GBE1: variants seen among roughly 807,000 people sequenced by gnomAD.
GBE1 encodes the protein 1,4-alpha-glucan branching enzyme 1.
In GBE1, 70 loss-of-function variants were observed where a neutral mutation model predicts 88.8. That is an observed-to-expected ratio of 0.79 (90% CI 0.65 to 0.96). The LOEUF (loss-of-function observed/expected upper bound fraction) is 0.96. Among genes scored for constraint, GBE1 ranks in the 40% least tolerant of loss-of-function variants. The pLI, the probability that GBE1 is intolerant of heterozygous loss-of-function variation, is 0.00. For missense variants in GBE1, 872 were observed against 871.0 expected, an observed-to-expected ratio of 1.00 and a Z score of -0.01; for synonymous variants, 284 against 300.1, an observed-to-expected ratio of 0.95 and a Z score of 0.56.
At chr3:81,727,935 G>T (rs1419187387) in intron 1 of GBE1, among the ~76,000 whole-genome samples, 3 of 151,986 alleles carry the variant, frequency 2.0e-5, no homozygotes, top group Non-Finnish European at 2.9e-5. Context: ...CAAGGCAAAA[G>T]ATTATTTTTA....
chr3:81,548,296 T>C (rs12631775), intron 12 of GBE1, among the ~76,000 whole-genome samples: 1 of 151,000 alleles, frequency 6.6e-6, no homozygotes. Context: ...AAACATTAAA[T>C]TTGGGTAGAC....
intron 1 of GBE1, among the ~76,000 whole-genome samples, chr3:81,732,430 T>C (rs1285259938): frequency 6.6e-6 from 1 of 152,164 alleles, no homozygotes; most frequent in Admixed American, 6.6e-5. Context: ...CTATAAATAT[T>C]GAAATCCAAG....
At chr3:81,584,460 T>G (rs562750447) in intron 10 of GBE1, among the ~76,000 whole-genome samples, 1 of 152,144 alleles carries the variant, frequency 6.6e-6, no homozygotes, top group South Asian at 2.1e-4. Context: ...TAGAGGAAAA[T>G]CACTATGTCT....
At position 81,702,438 on chromosome 3, in the gene GBE1, T is replaced by G. The variant is rs1474552893; in HGVS notation, c.313+3006A>C. Among the ~76,000 whole-genome samples the G allele has an allele frequency of 2.6e-5, 4 of 152,112 alleles. No individual in the cohort carries two copies. In the East Asian group the frequency reaches 7.7e-4, roughly 29 times the overall value. On this transcript the variant is annotated intron_variant, in intron 2 of 15. Coordinates refer to ENST00000429644, the MANE Select transcript of GBE1 (RefSeq NM_000158.4). Reference sequence around the variant, plus strand: ...ACTTTGGACATAAAAAAGACATCCTTTCTTCTAAAAAAAGAAAATAAATTA... The same window carrying G: ...ACTTTGGACATAAAAAAGACATCCTGTCTTCTAAAAAAAGAAAATAAATTA...
chr3:81,493,608 C>T (rs1702464627), intron 15 of GBE1, among the ~76,000 whole-genome samples: 1 of 151,632 alleles, frequency 6.6e-6, no homozygotes, highest in South Asian at 2.1e-4. Context: ...TCTTGGCTCA[C>T]CGCAGCCTCT....
intron 14 of GBE1, among the ~76,000 whole-genome samples, chr3:81,526,713 T>C (rs1414217848): frequency 6.6e-6 from 1 of 151,946 alleles, no homozygotes; most frequent in Non-Finnish European, 1.5e-5. Flanking sequence ...CTCAATGAAA[T>C]AAAAGAGGAT....
intron 14 of GBE1, among the ~76,000 whole-genome samples, chr3:81,526,186 T>A (rs1487195618): frequency 6.6e-6 from 1 of 152,120 alleles, no homozygotes; most frequent in Non-Finnish European, 1.5e-5. Flanking sequence ...TAAATTTCCA[T>A]CTACACACTG....
At chr3:81,595,671 G>C (rs1349874461) in intron 7 of GBE1, among the ~76,000 whole-genome samples, 2 of 151,954 alleles carry the variant, frequency 1.3e-5, no homozygotes, top group Non-Finnish European at 2.9e-5. Context: ...TCACTGAATA[G>C]AAAGAATTGC....
chr3:81,586,613 C>A lies in GBE1; in HGVS notation c.1237-423G>T, dbSNP rs1459948655. ...GATAGGGAGTGTATTTTTGTGAACA[C>A]TAGCTTTTGATGAAATGGAATGTAG... On this transcript the variant is annotated intron_variant, in intron 9 of 15. Coordinates refer to ENST00000429644, the MANE Select transcript of GBE1 (RefSeq NM_000158.4). Among the ~76,000 whole-genome samples the A allele has an allele frequency of 2.6e-5, 4 of 152,110 alleles. No homozygotes were observed. The East Asian group carries it at 7.7e-4, about 29-fold the overall frequency.
chr3:81,687,494 A>C (rs953939956), intron 2 of GBE1, among the ~76,000 whole-genome samples: 3 of 152,236 alleles, frequency 2.0e-5, no homozygotes, highest in Non-Finnish European at 4.4e-5. Flanking sequence ...CTGAAAAGTC[A>C]AGGCAACTAT....
chr3:81,491,465 T>C (rs892003679), intron 15 of GBE1, among the ~76,000 whole-genome samples: 12 of 152,196 alleles, frequency 7.9e-5, no homozygotes, highest in Admixed American at 7.2e-4. Context: ...AAAGGAATAA[T>C]AGTGGATCAA....
intron 2 of GBE1, among the ~76,000 whole-genome samples, chr3:81,693,468 GTTA>G (rs1705549990): frequency 6.6e-6 from 1 of 151,996 alleles, no homozygotes; most frequent in African/African-American, 2.4e-5. Flanking sequence ...TCAATTTAAT[GTTA>G]TTAATATATA....
At chr3:81,566,363 T>C (rs1703495481) in intron 12 of GBE1, among the ~76,000 whole-genome samples, 1 of 152,218 alleles carries the variant, frequency 6.6e-6, no homozygotes, top group African/African-American at 2.4e-5. Context: ...GTGATTCCAA[T>C]GTACAGACCA....
chr3:81,508,645 C>A (rs1410482573), intron 14 of GBE1, among the ~76,000 whole-genome samples: 1 of 152,052 alleles, frequency 6.6e-6, no homozygotes, highest in East Asian at 1.9e-4. Flanking sequence ...TCAATGCAGT[C>A]AAGTGCAATA....
intron 12 of GBE1, among the ~76,000 whole-genome samples, chr3:81,565,079 C>T (rs761811708): frequency 3.9e-5 from 6 of 152,144 alleles, no homozygotes; most frequent in African/African-American, 1.4e-4. Flanking sequence ...CCCTGGTTAA[C>T]AGTGTGCTGT....
chr3:81,648,954 C>A lies in GBE1; in HGVS notation c.593G>T (p.Arg198Ile). The change falls in exon 5 of 16, where the codon AGA becomes ATA. Residue 198 changes from arginine to isoleucine, a missense_variant. By Grantham distance (97) the Arg-to-Ile change is moderately conservative. Coordinates refer to ENST00000429644, the MANE Select transcript of GBE1 (RefSeq NM_000158.4). ...AATTCCCACATGAGATTCATAAATT[C>A]TTAGACTCCGTGGCTTCTTTGGTCT... is the stretch of plus-strand genomic sequence containing the variant. ...HSRPKKPRSL[R>I]IYESHVGISS... The A allele has an allele frequency of 6.3e-7, 1 of 1,587,474 alleles. No individual in the cohort carries two copies. Among genetic ancestry groups the A allele is most frequent in the Non-Finnish European group, 8.6e-7 (1 of 1,163,638 alleles).
rs1334875231 is a variant in GBE1, at chr3:81,490,201, A to G, written c.*206T>C. 5.5e-6 allele frequency: 3 copies of G among 546,608 alleles called. No individual in the cohort carries two copies. In the African/African-American group the frequency reaches 5.9e-5, roughly 11 times the overall value. The allele number at this position is 546,608 out of a possible 1,614,324, so 33.9% of individuals were successfully genotyped here. A position where few individuals can be genotyped will look rare whatever the true frequency, so the allele number is the denominator to read the frequency against. On this transcript the variant is annotated 3_prime_UTR_variant, in exon 16 of 16. Transcript: ENST00000429644. ...CTAAGATGACTTGAAAATATGGTCT[A>G]GGATTCCTAATATTTTAAACATATT...
chr3:81,530,013 T>G (rs1378281713), intron 14 of GBE1, among the ~76,000 whole-genome samples: 2 of 151,922 alleles, frequency 1.3e-5, no homozygotes, highest in African/African-American at 4.8e-5. Flanking sequence ...GCATGCTTCA[T>G]TCTTTTTTGT....
intron 11 of GBE1, among the ~76,000 whole-genome samples, chr3:81,580,023 T>TA (rs749668054): frequency 1.3e-5 from 2 of 152,156 alleles, no homozygotes; most frequent in Non-Finnish European, 2.9e-5. Flanking sequence ...CTGCTTTACT[T>TA]ACATTTTCTT....
Sources: gnomAD v4.1 joint callset for allele counts (sites outside exome capture counted in the v4.1 genomes callset) on GRCh38, gnomAD v4.1.1 for gene constraint, MANE v1.5 for transcripts, NCBI Gene and HGNC (gene_info 2026-07-23, HGNC 2026-07-21) for gene names.